The following PHIP variants were observed in gnomAD, a reference collection of about 807,000 sequenced individuals.
PHIP encodes the protein PHIP subunit of CUL4-Ring ligase complex.
In PHIP, 54 loss-of-function variants were observed where a neutral mutation model predicts 236.8. The ratio of observed to expected loss-of-function variants is 0.23; its 90% confidence interval spans 0.18 to 0.29. The LOEUF (loss-of-function observed/expected upper bound fraction) is 0.29. Ranked by LOEUF, PHIP falls within the 10% of genes least tolerant of loss-of-function variation. The pLI is 1.00. For missense variants in PHIP, 1,370 were observed against 2,190.8 expected, an observed-to-expected ratio of 0.63 and a Z score of 7.48; for synonymous variants, 756 against 718.9, an observed-to-expected ratio of 1.05 and a Z score of -0.83.
At chr6:78,989,935 T>C (rs1769111246) in intron 20 of PHIP, among the ~76,000 whole-genome samples, 1 of 152,212 alleles carries the variant, frequency 6.6e-6, no homozygotes, top group African/African-American at 2.4e-5. Context: ...ACAGGAATTC[T>C]AGCATTGTGA....
At chr6:79,069,006 A>T (rs1034291390) in intron 4 of PHIP, among the ~76,000 whole-genome samples, 3 of 151,910 alleles carry the variant, frequency 2.0e-5, no homozygotes, top group Admixed American at 6.6e-5. Context: ...TCTCAAATCT[A>T]TTCTCTCACA....
chr6:79,029,127 T>C (rs1771538314), intron 7 of PHIP, among the ~76,000 whole-genome samples: 2 of 152,218 alleles, frequency 1.3e-5, no homozygotes, highest in African/African-American at 4.8e-5. Flanking sequence ...GTGCATATTA[T>C]CTCAATTAAC....
At chr6:79,077,758 C>T (rs1774255984) in intron 2 of PHIP, 29 bp from the exon 3 acceptor site, 2 of 983,632 alleles carry the variant, frequency 2.0e-6, no homozygotes, top group Non-Finnish European at 2.4e-6. Flanking sequence ...GAGAGCTGAG[C>T]CCCGCGCCCC....
At position 78,958,590 on chromosome 6, in the gene PHIP, A is replaced by G. The variant is rs1175156988; in HGVS notation, c.3667T>C (p.Ser1223Pro). Residue 1223 changes from serine (S) to proline (P), a missense_variant, in exon 32 of 40, where the codon TCC becomes CCC. Physicochemically the swap from Ser to Pro is moderately conservative, Grantham distance 74 (BLOSUM62 -1). Around this residue, in one of 14 missense-constraint regions of PHIP, gnomAD observed 238 missense variants for 398.5 expected, o/e 0.60. Transcript: ENST00000275034. ...LENRFYRRVS[S>P]LMWEVRYIEH... ...ATATATCGAACTTCCCACATTAGGG[A>G]AGAAACCCGCCTTAAAAAAACAAAA... 6.4e-7 allele frequency: 1 copy of G among 1,567,470 alleles called. No homozygotes were observed. Among genetic ancestry groups the G allele is most frequent in the Non-Finnish European group, 8.7e-7 (1 of 1,142,972 alleles).
Position 78,946,046 on chromosome 6 carries a change from T to A in PHIP, c.4585A>T (p.Thr1529Ser). Residue 1529 changes from threonine (T) to serine (S), a missense_variant, in exon 38 of 40, where the codon ACT becomes TCT. By Grantham distance (58) the Thr-to-Ser change is moderately conservative (BLOSUM62 1). Around this residue, in one of 14 missense-constraint regions of PHIP, gnomAD observed 309 missense variants for 328.3 expected, o/e 0.94. Coordinates refer to ENST00000275034, the MANE Select transcript of PHIP (RefSeq NM_017934.7). ...EQPSTSSAAK[T>S]FITKANASAI... ...GATGCATTAGCTTTTGTAATAAAAG[T>A]CTTTGCAGCTGAAGAAGTAGATGGT... is the stretch of plus-strand genomic sequence containing the variant. The A allele has an allele frequency of 1.9e-6, 3 of 1,612,058 alleles. No individual in the cohort carries two copies. Among genetic ancestry groups the A allele is most frequent in the Non-Finnish European group, 2.5e-6 (3 of 1,178,120 alleles).
chr6:79,050,890 T>C (rs940156925), intron 6 of PHIP, among the ~76,000 whole-genome samples: 1 of 152,186 alleles, frequency 6.6e-6, no homozygotes, highest in Non-Finnish European at 1.5e-5. Flanking sequence ...AAAGAAATAA[T>C]TCACATCAGT....
At position 79,046,238 on chromosome 6, in the gene PHIP, T is replaced by C. The variant is rs149627518; in HGVS notation, c.440-3235A>G. Among the ~76,000 whole-genome samples, 455 of 152,268 alleles carry C rather than the reference T, an allele frequency of 3.0e-3. 3 individuals are homozygous for C. Among genetic ancestry groups the C allele is most frequent in the African/African-American group, 9.0e-3 (372 of 41,562 alleles). ...CACTGGCTGTTCCCTCTTCATGAAG[T>C]CTTTTTCCACATATGGCTAATTCCC... On this transcript the variant is annotated intron_variant, in intron 6 of 39. Transcript: ENST00000275034.
intron 22 of PHIP, among the ~76,000 whole-genome samples, chr6:78,983,725 T>C (rs1204639946): frequency 6.6e-6 from 1 of 152,110 alleles, no homozygotes; most frequent in Non-Finnish European, 1.5e-5. Context: ...AAAATTATTC[T>C]ACCTACCTAC....
chr6:79,055,706 G>T (rs748627158), intron 6 of PHIP, among the ~76,000 whole-genome samples: 4 of 152,140 alleles, frequency 2.6e-5, no homozygotes, highest in Non-Finnish European at 5.9e-5. Context: ...TTACATCAAA[G>T]ACCAAAAGGT....
chr6:79,066,946 G>C (rs1360151856), intron 4 of PHIP, among the ~76,000 whole-genome samples: 4 of 151,992 alleles, frequency 2.6e-5, no homozygotes, highest in Non-Finnish European at 1.5e-5. Context: ...CAAGGCTAGG[G>C]GGCACAGTCA....
chr6:78,962,826 G>A (rs1413378099), intron 30 of PHIP, among the ~76,000 whole-genome samples: 1 of 152,024 alleles, frequency 6.6e-6, no homozygotes, highest in African/African-American at 2.4e-5. Context: ...GTTTTAAATT[G>A]GGTTGTGGAG....
At chr6:78,988,397 G>A in intron 20 of PHIP, 48 bp from the exon 21 acceptor site, 2 of 1,392,846 alleles carry the variant, frequency 1.4e-6, no homozygotes, top group Non-Finnish European at 1.9e-6. Flanking sequence ...TAAAGAGCAG[G>A]ATTTTTAGTT....
At chr6:79,002,256 T>C in intron 16 of PHIP, 132 bp from the exon 17 acceptor site, 1 of 594,104 alleles carries the variant, frequency 1.7e-6, no homozygotes, top group South Asian at 2.2e-5. Flanking sequence ...ATTTTTAAAA[T>C]ATTATTTTCC....
At chr6:79,068,410 C>A (rs1279067976) in intron 4 of PHIP, among the ~76,000 whole-genome samples, 3 of 152,160 alleles carry the variant, frequency 2.0e-5, no homozygotes, top group Non-Finnish European at 4.4e-5. Context: ...TTGCAGTGAG[C>A]CAAGATCATG....
chr6:78,972,762 G>A (rs1161964629), intron 24 of PHIP, among the ~76,000 whole-genome samples: 3 of 152,128 alleles, frequency 2.0e-5, no homozygotes, highest in Non-Finnish European at 4.4e-5. Flanking sequence ...GCGATGAACT[G>A]GAAGAAAGGG....
rs1303570565 is a variant in PHIP, at chr6:78,985,283, G to A, written c.2537+69C>T. The A allele has an allele frequency of 3.3e-5, 28 of 836,908 alleles. No homozygotes were observed. In the South Asian group the frequency reaches 3.8e-4, roughly 11 times the overall value. The allele number at this position is 836,908 out of a possible 1,614,324, so 51.8% of individuals were successfully genotyped here. On this transcript the variant is annotated intron_variant, in intron 22 of 39. Transcript: ENST00000275034. ...TACAGAGACTTTGAAACGTGTTGCT[G>A]GTTAAAAAAAAAAACACCTTTCTAA...
At chr6:78,982,815 T>C (rs113766513) in intron 23 of PHIP, 71 bp downstream of exon 23, 10 of 873,232 alleles carry the variant, frequency 1.1e-5, no homozygotes, top group Middle Eastern at 3.7e-4. Context: ...TTGTGATCAA[T>C]TGTACTTCAA....
chr6:79,020,451 A>G (rs1036280842), intron 9 of PHIP, among the ~76,000 whole-genome samples: 2 of 152,210 alleles, frequency 1.3e-5, no homozygotes, highest in East Asian at 3.8e-4. Flanking sequence ...TATTCAGAGC[A>G]AAATTAACTG....
Position 78,935,753 on chromosome 6 carries a change from G to T in PHIP, c.*4940C>A. On this transcript the variant is annotated 3_prime_UTR_variant, in exon 40 of 40. Transcript: ENST00000275034. ...CTAATGAACCAGCATTTACATAATG[G>T]TATCTGCCATATGACCACTTTGGTA... 1 of 985,116 alleles carries T rather than the reference G, an allele frequency of 1.0e-6. No individual in the cohort carries two copies. The highest frequency in any genetic ancestry group is 1.2e-6 in the Non-Finnish European group (1 of 829,742). 61.0% of individuals were successfully genotyped at this position (985,116 alleles called of 1,614,324 possible).
Sources: allele counts gnomAD v4.1 joint callset (sites outside exome capture counted in the v4.1 genomes callset), GRCh38; gene constraint gnomAD v4.1.1; regional missense constraint gnomAD v4.1.1; transcripts MANE v1.5; gene names NCBI Gene and HGNC (gene_info 2026-07-23, HGNC 2026-07-21).